FHIT: variants seen among roughly 807,000 people sequenced by gnomAD.
The protein encoded by FHIT is bis(5'-adenosyl)-triphosphatase.
Under a neutral mutation model 17.9 loss-of-function variants are expected in FHIT, and 19 were observed. The observed-to-expected ratio is 1.06, with a 90% confidence interval of 0.74 to 1.56. FHIT has a LOEUF of 1.56. FHIT is among the 40% of genes most tolerant of loss of function. FHIT has a pLI of 0.00. For missense variants in FHIT, 248 were observed against 189.2 expected (o/e 1.31, Z -1.82); for synonymous variants, 81 against 69.7 (o/e 1.16, Z -0.81).
intron 5 of FHIT, among the ~76,000 whole-genome samples, chr3:60,182,847 T>A (rs1396862324): frequency 6.7e-6 from 1 of 148,688 alleles, no homozygotes; most frequent in Non-Finnish European, 1.5e-5. Flanking sequence ...TTATTCTCTA[T>A]AAATGCTGCC....
intron 5 of FHIT, among the ~76,000 whole-genome samples, chr3:60,413,227 GA>G (rs938997911): frequency 6.6e-6 from 1 of 152,060 alleles, no homozygotes; most frequent in African/African-American, 2.4e-5. Flanking sequence ...TAGTCAGAAG[GA>G]AAATTTATTA....
intron 4 of FHIT, among the ~76,000 whole-genome samples, chr3:60,649,123 C>T (rs899353394): frequency 1.3e-5 from 2 of 152,162 alleles, no homozygotes; most frequent in Non-Finnish European, 2.9e-5. Context: ...TGCGGCCGGG[C>T]GCGGTGGCTC....
intron 5 of FHIT, among the ~76,000 whole-genome samples, chr3:60,400,881 A>G (rs1701632631): frequency 6.6e-6 from 1 of 152,198 alleles, no homozygotes; most frequent in African/African-American, 2.4e-5. Context: ...CAACATTTAA[A>G]AGTGAGATCA....
At chr3:60,879,606 A>G (rs1304968520) in intron 3 of FHIT, among the ~76,000 whole-genome samples, 3 of 152,212 alleles carry the variant, frequency 2.0e-5, no homozygotes, top group African/African-American at 7.2e-5. Context: ...GAAAAGGAAT[A>G]CAAACTAGTA....
At chr3:59,986,166 C>T (rs1334133853) in intron 7 of FHIT, among the ~76,000 whole-genome samples, 8 of 151,928 alleles carry the variant, frequency 5.3e-5, no homozygotes, top group Non-Finnish European at 1.2e-4. Context: ...TAGCAGCTAA[C>T]TTTCTTGGGA....
chr3:60,399,673 G>A (rs1701586358), intron 5 of FHIT, among the ~76,000 whole-genome samples: 1 of 152,142 alleles, frequency 6.6e-6, no homozygotes, highest in Non-Finnish European at 1.5e-5. Context: ...TGACAATGAG[G>A]TGGTAATTTA....
chr3:60,521,197 C>A (rs1048468466), intron 5 of FHIT, among the ~76,000 whole-genome samples: 1 of 151,886 alleles, frequency 6.6e-6, no homozygotes, highest in African/African-American at 2.4e-5. Context: ...AAGACCCATG[C>A]TCTTGATCAA....
intron 8 of FHIT, among the ~76,000 whole-genome samples, chr3:59,769,573 C>T (rs1247708904): frequency 1.3e-5 from 2 of 152,186 alleles, no homozygotes; most frequent in African/African-American, 4.8e-5. Flanking sequence ...TAATTACTTA[C>T]CGCAAGCTGC....
At chr3:60,390,780 A>G (rs1181864449) in intron 5 of FHIT, among the ~76,000 whole-genome samples, 1 of 152,180 alleles carries the variant, frequency 6.6e-6, no homozygotes, top group Non-Finnish European at 1.5e-5. Flanking sequence ...CACTAAAGAT[A>G]TAAAGATAGA....
intron 5 of FHIT, among the ~76,000 whole-genome samples, chr3:60,207,993 G>A (rs1703279983): frequency 6.6e-6 from 1 of 152,154 alleles, no homozygotes. Flanking sequence ...CAAGAGTATA[G>A]ATATCCAACA....
intron 8 of FHIT, among the ~76,000 whole-genome samples, chr3:59,842,050 A>C (rs1009153652): frequency 7.9e-5 from 12 of 152,122 alleles, no homozygotes; most frequent in African/African-American, 2.7e-4. Flanking sequence ...TACCCATTAA[A>C]TAACAACTCC....
At chr3:60,563,488 G>A (rs1011402854) in intron 4 of FHIT, among the ~76,000 whole-genome samples, 8 of 152,316 alleles carry the variant, frequency 5.3e-5, no homozygotes, top group Admixed American at 1.3e-4. Context: ...GCTTAGTAAA[G>A]AAGGCATGCC....
chr3:61,141,058 T>G (rs1282597787), intron 2 of FHIT, among the ~76,000 whole-genome samples: 3 of 152,176 alleles, frequency 2.0e-5, no homozygotes. Flanking sequence ...TGAGGATACA[T>G]ATGTTCAACA....
At chr3:60,001,911 G>A (rs1699743871) in intron 7 of FHIT, among the ~76,000 whole-genome samples, 1 of 152,126 alleles carries the variant, frequency 6.6e-6, no homozygotes, top group South Asian at 2.1e-4. Flanking sequence ...AAAGCCCCTG[G>A]TGAGCTGTTT....
At chr3:60,708,047 T>C (rs1262242949) in intron 4 of FHIT, among the ~76,000 whole-genome samples, 2 of 152,246 alleles carry the variant, frequency 1.3e-5, no homozygotes, top group Non-Finnish European at 1.5e-5. Flanking sequence ...CCAGTGAACA[T>C]CTTCATAAAT....
intron 4 of FHIT, chr3:60,690,854 G>A (rs546835572): frequency 1.0e-5 from 3 of 298,016 alleles, no homozygotes; most frequent in East Asian, 8.0e-5. Context: ...CTCCTAGAGA[G>A]ACTGTTAATG....
At chr3:60,610,989 G>A (rs1356719710) in intron 4 of FHIT, among the ~76,000 whole-genome samples, 4 of 152,112 alleles carry the variant, frequency 2.6e-5, no homozygotes, top group African/African-American at 4.8e-5. Flanking sequence ...TGTAAAATAG[G>A]AGTCATCACA....
chr3:59,931,100 G>C (rs1243028368), intron 7 of FHIT, among the ~76,000 whole-genome samples: 1 of 152,304 alleles, frequency 6.6e-6, no homozygotes, highest in African/African-American at 2.4e-5. Flanking sequence ...AAATACATAG[G>C]TAAAGTGCTT....
chr3:60,827,932 G>T (rs556174705), intron 3 of FHIT, among the ~76,000 whole-genome samples: 1 of 152,336 alleles, frequency 6.6e-6, no homozygotes, highest in South Asian at 2.1e-4. Flanking sequence ...CATGAGGACA[G>T]ATAATTCTGT....
Sources: allele counts gnomAD v4.1 joint callset (sites outside exome capture counted in the v4.1 genomes callset), GRCh38; gene constraint gnomAD v4.1.1; transcripts MANE v1.5; gene names NCBI Gene and HGNC (gene_info 2026-07-23, HGNC 2026-07-21).